Variants in TEX14 observed in about 807,000 individuals in gnomAD.
The protein encoded by TEX14 is testis expressed 14, intercellular bridge forming factor.
In TEX14, 168 loss-of-function variants were observed where a neutral mutation model predicts 178.6. The ratio of observed to expected loss-of-function variants is 0.94; its 90% confidence interval spans 0.83 to 1.07. TEX14 has a LOEUF of 1.07. Ranked by LOEUF, TEX14 falls within the 50% of genes least tolerant of loss-of-function variation. The pLI is 0.00. For synonymous variants in TEX14, 626 were observed against 634.1 expected, an observed-to-expected ratio of 0.99 and a Z score of 0.19; for missense variants, 1,730 against 1,753.6, an observed-to-expected ratio of 0.99 and a Z score of 0.24.
intron 1 of TEX14, among the ~76,000 whole-genome samples, chr17:58,672,250 G>A (rs1224808003): frequency 1.3e-5 from 2 of 152,086 alleles, no homozygotes; most frequent in Non-Finnish European, 2.9e-5. Flanking sequence ...GCCACCAACT[G>A]GTACCATGCT....
intron 19 of TEX14, 129 bp downstream of exon 19, chr17:58,584,371 G>A: frequency 1.5e-6 from 1 of 646,424 alleles, no homozygotes; most frequent in Non-Finnish European, 2.7e-6. Flanking sequence ...TCAGTGACAT[G>A]AAGGCACATG....
At chr17:58,635,005 G>A (rs1005773574) in intron 2 of TEX14, among the ~76,000 whole-genome samples, 3 of 151,914 alleles carry the variant, frequency 2.0e-5, no homozygotes, top group Admixed American at 2.0e-4. Flanking sequence ...GGTGGCGGGC[G>A]CCTGTAATAC....
chr17:58,584,804 T>C (rs2044913275), intron 18 of TEX14, among the ~76,000 whole-genome samples: 1 of 152,170 alleles, frequency 6.6e-6, no homozygotes, highest in Admixed American at 6.6e-5. Context: ...TGCCCACCCA[T>C]TCGAGAGTGA....
At chr17:58,657,955 C>T (rs2047004159) in intron 1 of TEX14, among the ~76,000 whole-genome samples, 1 of 152,166 alleles carries the variant, frequency 6.6e-6, no homozygotes, top group Admixed American at 6.6e-5. Context: ...TTTTGCAGAC[C>T]TTGCACTTGA....
chr17:58,601,326 T>G (rs1053328967), intron 13 of TEX14, among the ~76,000 whole-genome samples: 4 of 151,966 alleles, frequency 2.6e-5, no homozygotes, highest in East Asian at 3.9e-4. Context: ...ATCGAGACCA[T>G]CCTGGCCAAC....
chr17:58,585,610 GTTTTTTTTT>G (rs879707841), intron 18 of TEX14, among the ~76,000 whole-genome samples, 182 bp downstream of exon 18: 4 of 83,056 alleles, frequency 4.8e-5, no homozygotes, highest in African/African-American at 2.0e-4. Context: ...CCCAGCTAAT[GTTTTTTTTT>G]TTTTTTTTTT....
intron 1 of TEX14, among the ~76,000 whole-genome samples, chr17:58,680,404 C>A (rs1444892481): frequency 3.3e-5 from 5 of 152,120 alleles, no homozygotes; most frequent in Non-Finnish European, 7.4e-5. Flanking sequence ...AGCAAATGAT[C>A]AATCTTACTT....
chr17:58,635,045 T>C (rs1157121962), intron 2 of TEX14, among the ~76,000 whole-genome samples: 3 of 151,808 alleles, frequency 2.0e-5, no homozygotes, highest in African/African-American at 7.3e-5. Context: ...GGGAGGAGAA[T>C]TGCTGGAACC....
At chr17:58,639,999 A>C (rs1158357260) in intron 2 of TEX14, among the ~76,000 whole-genome samples, 1 of 152,118 alleles carries the variant, frequency 6.6e-6, no homozygotes, top group African/African-American at 2.4e-5. Context: ...AAATATTTGA[A>C]TGCTGGTATA....
intron 3 of TEX14, among the ~76,000 whole-genome samples, chr17:58,628,432 G>T (rs1024337611): frequency 3.3e-5 from 5 of 152,054 alleles, no homozygotes; most frequent in African/African-American, 9.7e-5. Context: ...CAAAAATTAG[G>T]CCGGGCGCAG....
intron 2 of TEX14, among the ~76,000 whole-genome samples, chr17:58,651,496 AGG>A (rs960094635): frequency 6.6e-6 from 1 of 152,192 alleles, no homozygotes; most frequent in Non-Finnish European, 1.5e-5. Flanking sequence ...GGAGCAAGGA[AGG>A]GGACAGCTGT....
chr17:58,663,913 C>A (rs1340577591), intron 1 of TEX14, among the ~76,000 whole-genome samples: 1 of 152,170 alleles, frequency 6.6e-6, no homozygotes, highest in Non-Finnish European at 1.5e-5. Flanking sequence ...GGCAGTGGCT[C>A]ATGCCTGCAA....
chr17:58,646,909 T>TTA (rs1491264735), intron 2 of TEX14, among the ~76,000 whole-genome samples: 1 of 135,130 alleles, frequency 7.4e-6, no homozygotes, highest in East Asian at 2.1e-4. Flanking sequence ...AAGCACACTC[T>TTA]TTTTTTTTTT....
chr17:58,607,417 G>C (rs1203563958), intron 10 of TEX14, among the ~76,000 whole-genome samples: 1 of 152,098 alleles, frequency 6.6e-6, no homozygotes, highest in East Asian at 1.9e-4. Context: ...GTCACCACTA[G>C]GCCCTGTCTC....
Position 58,599,431 on chromosome 17 carries a change from CTCTTCTATGTCA to C in TEX14, c.1902_1913del (p.Asp634_Glu637del). 1.9e-6 allele frequency: 3 copies of C among 1,614,156 alleles called. No individual in the cohort carries two copies. Among genetic ancestry groups the C allele is most frequent in the Non-Finnish European group, 2.5e-6 (3 of 1,180,024 alleles). On this transcript the variant is annotated inframe_deletion, in exon 14 of 32. Transcript: ENST00000349033. ...CCAAAGATGAAGCAGCTCCTGGAGGCTCTTCTATGTCATCTTCCAAAATCAAGCAGCCTGAGT... is the reference window on the plus strand; with the variant it reads ...CCAAAGATGAAGCAGCTCCTGGAGGCTCTTCCAAAATCAAGCAGCCTGAGT...
At chr17:58,657,480 T>G (rs1377750647) in intron 1 of TEX14, among the ~76,000 whole-genome samples, 1 of 151,316 alleles carries the variant, frequency 6.6e-6, no homozygotes, top group East Asian at 1.9e-4. Flanking sequence ...ATTATAATTT[T>G]GTCTGGGCAA....
At chr17:58,573,094 G>A in intron 23 of TEX14, 87 bp downstream of exon 23, 2 of 1,551,690 alleles carry the variant, frequency 1.3e-6, no homozygotes, top group Middle Eastern at 1.7e-4. Context: ...ACAGCCACCA[G>A]CTCTGATACC....
At chr17:58,560,530 T>TA (rs1167631988) in intron 29 of TEX14, among the ~76,000 whole-genome samples, 1 of 152,234 alleles carries the variant, frequency 6.6e-6, no homozygotes, top group African/African-American at 2.4e-5. Flanking sequence ...CTTTATTGAA[T>TA]AAAAATCTGT....
At chr17:58,664,076 T>G (rs1567766382) in intron 1 of TEX14, among the ~76,000 whole-genome samples, 1 of 152,094 alleles carries the variant, frequency 6.6e-6, no homozygotes, top group Non-Finnish European at 1.5e-5. Context: ...AAAACCCAAC[T>G]CCACACTATT....
Sources: allele counts gnomAD v4.1 joint callset (sites outside exome capture counted in the v4.1 genomes callset), GRCh38; gene constraint gnomAD v4.1.1; transcripts MANE v1.5; gene names NCBI Gene and HGNC (gene_info 2026-07-23, HGNC 2026-07-21).